Variants in CCDC39 observed in about 807,000 individuals in gnomAD.
CCDC39 encodes coiled-coil domain-containing protein 39.
In CCDC39, 113 loss-of-function variants were observed where a neutral mutation model predicts 121.0. The observed-to-expected ratio is 0.93, with a 90% CI of 0.80 to 1.09. The LOEUF is 1.09. Ranked by LOEUF, CCDC39 falls within the 50% of genes least tolerant of loss-of-function variation. CCDC39 has a pLI of 0.00. For missense variants in CCDC39, 1,063 were observed against 1,074.7 expected, an observed-to-expected ratio of 0.99 and a Z score of 0.15; for synonymous variants, 349 against 352.2, an observed-to-expected ratio of 0.99 and a Z score of 0.10.
chr3:180,670,922 C>T (rs1607459), intron 1 of CCDC39, among the ~76,000 whole-genome samples: 28,584 of 151,924 alleles, frequency 0.19, 2,918 homozygotes, highest in East Asian at 0.4. Context: ...GAAGTGATCA[C>T]CCCTTTGGGC....
At chr3:180,651,258 G>A (rs969687553) in intron 9 of CCDC39, 143 bp downstream of exon 9, 3 of 635,474 alleles carry the variant, frequency 4.7e-6, no homozygotes. Flanking sequence ...ATGAGAAGAG[G>A]TCCAAAACCA....
intron 9 of CCDC39, among the ~76,000 whole-genome samples, chr3:180,650,742 A>G (rs1718181741): frequency 6.6e-6 from 1 of 151,826 alleles, no homozygotes; most frequent in Non-Finnish European, 1.5e-5. Context: ...CTGTAATCCC[A>G]GCTACTCAGA....
intron 1 of CCDC39, among the ~76,000 whole-genome samples, chr3:180,669,573 G>T (rs1345020340): frequency 6.6e-6 from 1 of 152,026 alleles, no homozygotes; most frequent in South Asian, 2.1e-4. Flanking sequence ...AAACCTCCAA[G>T]ATTGCCCTGA....
intron 13 of CCDC39, among the ~76,000 whole-genome samples, chr3:180,638,047 C>A (rs528395588): frequency 6.6e-6 from 1 of 152,172 alleles, no homozygotes; most frequent in East Asian, 1.9e-4. Flanking sequence ...ACCTGTATAA[C>A]AAACCTGCAC....
chr3:180,658,311 C>G (rs1230910502), intron 6 of CCDC39, among the ~76,000 whole-genome samples: 1 of 147,490 alleles, frequency 6.8e-6, no homozygotes, highest in Non-Finnish European at 1.5e-5. Context: ...TTAAGAGAAC[C>G]TCTGCCAGGC....
intron 1 of CCDC39, among the ~76,000 whole-genome samples, chr3:180,667,151 T>A (rs909963846): frequency 1.3e-5 from 2 of 152,102 alleles, no homozygotes; most frequent in Non-Finnish European, 2.9e-5. Context: ...TGAAGTAAAA[T>A]TATTTTCAAC....
intron 1 of CCDC39, among the ~76,000 whole-genome samples, chr3:180,674,139 C>A (rs1212940466): frequency 6.6e-6 from 1 of 151,900 alleles, no homozygotes; most frequent in African/African-American, 2.4e-5. Flanking sequence ...TTGTTTGTGT[C>A]CTCTTTTATT....
intron 14 of CCDC39, among the ~76,000 whole-genome samples, chr3:180,623,580 T>C (rs959970644): frequency 1.4e-4 from 22 of 152,134 alleles, no homozygotes; most frequent in South Asian, 4.1e-4. Context: ...ATTTTTGATA[T>C]AGGCATTTAA....
chr3:180,639,427 C>T (rs530695775), intron 13 of CCDC39, among the ~76,000 whole-genome samples: 1 of 152,046 alleles, frequency 6.6e-6, no homozygotes, highest in African/African-American at 2.4e-5. Flanking sequence ...ATATATACAC[C>T]ATGGAATACT....
chr3:180,654,615 A>G, intron 7 of CCDC39, 147 bp downstream of exon 7: 5 of 537,736 alleles, frequency 9.3e-6, no homozygotes, highest in Non-Finnish European at 1.5e-5. Context: ...TCCACAAACA[A>G]AGAGACATTA....
chr3:180,623,529 T>C (rs1717483288), intron 14 of CCDC39, among the ~76,000 whole-genome samples: 1 of 152,096 alleles, frequency 6.6e-6, no homozygotes, highest in Admixed American at 6.6e-5. Flanking sequence ...TGCTAATTCC[T>C]TGAGGTGCAG....
intron 14 of CCDC39, among the ~76,000 whole-genome samples, chr3:180,625,069 T>G (rs758741971): frequency 6.6e-6 from 1 of 152,180 alleles, no homozygotes; most frequent in Admixed American, 6.5e-5. Flanking sequence ...CGTCTAACTC[T>G]CTTACTAGAC....
chr3:180,624,279 C>A (rs868226504), intron 14 of CCDC39, among the ~76,000 whole-genome samples: 2 of 151,938 alleles, frequency 1.3e-5, no homozygotes, highest in Admixed American at 6.6e-5. Flanking sequence ...CTTTTTCCAC[C>A]CCTTTACTTT....
At chr3:180,654,722 G>T (rs183804219) in intron 7 of CCDC39, 40 bp downstream of exon 7, 5 of 1,351,170 alleles carry the variant, frequency 3.7e-6, no homozygotes, top group Non-Finnish European at 5.1e-6. Flanking sequence ...ATAGTGATTT[G>T]TCGTGAACAT....
Position 180,654,805 on chromosome 3 carries a change from G to A in CCDC39, c.887C>T (p.Ala296Val), listed in dbSNP as rs1211822785. The A allele has an allele frequency of 1.2e-6, 2 of 1,610,652 alleles. No individual in the cohort carries two copies. Among genetic ancestry groups the A allele is most frequent in the East Asian group, 2.2e-5 (1 of 44,678 alleles). The change falls in exon 7 of 20, where the codon GCA (alanine) becomes GTA (valine). Residue 296 changes from alanine (A) to valine (V), a missense_variant. Ala to Val is a moderately conservative substitution (Grantham distance 64). Coordinates refer to ENST00000476379, the MANE Select transcript of CCDC39 (RefSeq NM_181426.2). ...ADRKLLKCRT[A>V]YQDHETSRIQ... ...TCTACTAGTTTCATGGTCCTGATAT[G>A]CCGTTCTACATTTTAAAAGTTTACG... is the stretch of plus-strand genomic sequence containing the variant.
chr3:180,617,071 A>T, intron 16 of CCDC39, 105 bp from the exon 17 acceptor site: 2 of 662,392 alleles, frequency 3.0e-6, no homozygotes, highest in Non-Finnish European at 4.8e-6. Context: ...ATTTTTGTAC[A>T]TAATATACAT....
intron 6 of CCDC39, among the ~76,000 whole-genome samples, chr3:180,657,972 G>T (rs904821261): frequency 1.3e-5 from 2 of 152,194 alleles, no homozygotes; most frequent in African/African-American, 4.8e-5. Flanking sequence ...AGGTGCGGTG[G>T]CTCACGCCTG....
chr3:180,654,715 G>A (rs566489807), intron 7 of CCDC39, 47 bp downstream of exon 7: 1 of 1,243,480 alleles, frequency 8.0e-7, no homozygotes, highest in East Asian at 2.7e-5. Flanking sequence ...ATATTTTATA[G>A]TGATTTGTCG....
chr3:180,661,632 T>A (rs1161431348), intron 3 of CCDC39, among the ~76,000 whole-genome samples: 5 of 152,146 alleles, frequency 3.3e-5, no homozygotes, highest in Non-Finnish European at 7.4e-5. Context: ...TTGCATATAG[T>A]AAGCCTCAGT....
Sources: allele counts gnomAD v4.1 joint callset (sites outside exome capture counted in the v4.1 genomes callset), GRCh38; gene constraint gnomAD v4.1.1; transcripts MANE v1.5; gene names NCBI Gene and HGNC (gene_info 2026-07-23, HGNC 2026-07-21).